Variants in PLA2G15 observed in about 807,000 individuals in gnomAD.
PLA2G15 encodes the protein phospholipase A2 group XV, also known as lysosomal phospholipase A and acyltransferase.
A neutral mutation model predicts 40.9 loss-of-function variants in PLA2G15; 20 were observed. The observed-to-expected ratio is 0.49, with a 90% CI of 0.34 to 0.71. The LOEUF is 0.71. PLA2G15 is among the 30% of genes least tolerant of loss of function. PLA2G15 has a pLI of 0.01. For missense variants in PLA2G15, 471 were observed against 541.9 expected, an observed-to-expected ratio of 0.87 and a Z score of 1.30; for synonymous variants, 223 against 228.2, an observed-to-expected ratio of 0.98 and a Z score of 0.21.
At chr16:68,251,417 C>T (rs997299178) in intron 2 of PLA2G15, among the ~76,000 whole-genome samples, 1 of 152,152 alleles carries the variant, frequency 6.6e-6, no homozygotes, top group Admixed American at 6.5e-5. Context: ...TGCGGTGGCT[C>T]ATGCCTGTAA....
In PLA2G15 at chr16:68,259,505, G is replaced by A; in HGVS notation, c.1087G>A (p.Val363Met). The A allele has an allele frequency of 6.2e-7, 1 of 1,613,156 alleles. No homozygotes were observed. The highest frequency in any genetic ancestry group is 1.3e-5 in the African/African-American group (1 of 75,066). The change falls in exon 6 of 6, where the codon GTG becomes ATG. Residue 363 changes from valine to methionine, a missense_variant. Physicochemically the swap from Val to Met is conservative, Grantham distance 21. Transcript: ENST00000219345. This position sits in a 1 kb window ranked among gnomAD's most constrained non-coding sequence, Gnocchi z 6.5. ...CTGCTTTGGTGACGGCGATGGTACT[G>A]TGAACTTGAAGAGTGCCCTGCAGTG... Reference protein sequence around the residue: ...KICFGDGDGTVNLKSALQCQA... With the variant: ...KICFGDGDGTMNLKSALQCQA...
chr16:68,250,570 C>G (rs1307135165), intron 2 of PLA2G15, among the ~76,000 whole-genome samples: 3 of 152,108 alleles, frequency 2.0e-5, no homozygotes, highest in Non-Finnish European at 2.9e-5. Context: ...CACACCCAGC[C>G]CCATTCACTC....
chr16:68,245,450 C>T lies in PLA2G15; in HGVS notation c.24C>T (p.Tyr8=). ...CCATGGGCCTCCACCTCCGCCCCTA[C>T]CGTGTGGGGCTGCTCCCGGATGGCC... MGLHLRP[Y]RVGLLPDGLL... The change falls in exon 1 of 6, where the codon TAC becomes TAT. Residue 8 remains tyrosine, a synonymous_variant. Transcript: ENST00000219345. 1.9e-6 allele frequency: 3 copies of T among 1,605,756 alleles called. No homozygotes were observed. The highest frequency in any genetic ancestry group is 2.5e-6 in the Non-Finnish European group (3 of 1,179,706).
chr16:68,245,538 C>G lies in PLA2G15; in HGVS notation c.112C>G (p.Pro38Ala). The part of the protein sequence containing the change: ...ADPALPAGRH[P>A]PVVLVPGDLG... ...CCCAGCGCTCCCGGCCGGACGTCAC[C>G]CCCCAGTGGTGCTGGGTGAGGCACG... The change falls in exon 1 of 6, where the codon CCC (proline) becomes GCC (alanine). Residue 38 changes from proline (P) to alanine (A), a missense_variant. By Grantham distance (27) the Pro-to-Ala change is conservative. Coordinates refer to ENST00000219345, the MANE Select transcript of PLA2G15 (RefSeq NM_012320.4). 6.3e-7 allele frequency: 1 copy of G among 1,585,544 alleles called. No individual in the cohort carries two copies. Among genetic ancestry groups the G allele is most frequent in the African/African-American group, 1.3e-5 (1 of 74,326 alleles).
In PLA2G15 at chr16:68,259,366, G is replaced by T; in HGVS notation, c.948G>T (p.Gly316=). 1 of 1,613,976 alleles carries T rather than the reference G, an allele frequency of 6.2e-7. No homozygotes were observed. Among genetic ancestry groups the T allele is most frequent in the Non-Finnish European group, 8.5e-7 (1 of 1,180,016 alleles). The change falls in exon 6 of 6, where the codon GGG becomes GGT. Residue 316 remains glycine, a synonymous_variant. Coordinates refer to ENST00000219345, the MANE Select transcript of PLA2G15 (RefSeq NM_012320.4). This position sits in a 1 kb window ranked among gnomAD's most constrained non-coding sequence, Gnocchi z 6.5. ...GGCTCATGCGGCAGGACACAGAAGG[G>T]CTGGTGGAAGCCACGATGCCACCTG... ...DGWLMRQDTE[G]LVEATMPPGV... is the part of the protein sequence containing the mutation.
intron 1 of PLA2G15, chr16:68,248,738 G>A: frequency 1.0e-6 from 1 of 991,648 alleles, no homozygotes; most frequent in South Asian, 4.4e-5. Flanking sequence ...TGGAGGTTCT[G>A]GAATGCAAAG....
At chr16:68,251,466 G>A (rs540506748) in intron 2 of PLA2G15, among the ~76,000 whole-genome samples, 3 of 152,260 alleles carry the variant, frequency 2.0e-5, no homozygotes, top group Admixed American at 2.0e-4. Flanking sequence ...CAGATCATGA[G>A]GTCAGGAGTT....
In PLA2G15 at chr16:68,259,868, A is replaced by G. The variant is rs939600707; in HGVS notation, c.*211A>G. 2 of 595,526 alleles carry G rather than the reference A, an allele frequency of 3.4e-6. No homozygotes were observed. Among genetic ancestry groups the G allele is most frequent in the African/African-American group, 1.9e-5 (1 of 53,696 alleles). 36.9% of individuals were successfully genotyped at this position (595,526 alleles called of 1,614,324 possible). A position where few individuals can be genotyped will look rare whatever the true frequency, so the allele number is the denominator to read the frequency against. ...AAATGAGAGTCTAGACTCAAGGGAC[A>G]CTGGATGGCAAGAATGCTGCTGATG... On this transcript the variant is annotated 3_prime_UTR_variant, in exon 6 of 6. Transcript: ENST00000219345. This position sits in a 1 kb window ranked among gnomAD's most constrained non-coding sequence, Gnocchi z 6.5.
intron 1 of PLA2G15, among the ~76,000 whole-genome samples, chr16:68,246,880 C>CTTTATCT (rs1374413605): frequency 6.6e-6 from 1 of 152,122 alleles, no homozygotes. Flanking sequence ...GTTGGGTCAT[C>CTTTATCT]TGAACTTTAT....
rs1010534342 is a variant in PLA2G15, at chr16:68,246,081, T to C, written c.127+528T>C. 5.3e-5 allele frequency among the ~76,000 whole-genome samples: 8 copies of C among 152,214 alleles called. No individual in the cohort carries two copies. In the East Asian group the frequency reaches 1.5e-3, roughly 29 times the overall value. On this transcript the variant is annotated intron_variant, in intron 1 of 5. Coordinates refer to ENST00000219345, the MANE Select transcript of PLA2G15 (RefSeq NM_012320.4). ...CCCACAACTTATCAGATGTGTGGCATTGCCTGAGGGAAAAGGCCTAAGGGA... is the reference window on the plus strand; with the variant it reads ...CCCACAACTTATCAGATGTGTGGCACTGCCTGAGGGAAAAGGCCTAAGGGA...
In PLA2G15 at chr16:68,255,902, G is replaced by A; in HGVS notation, c.639G>A (p.Gln213=). ...TCTACTTTCTGCAGCGGCAGCCGCA[G>A]GCCTGGAAGGACAAGTATATCCGGG... ...YTLYFLQRQP[Q]AWKDKYIRAF... is the part of the protein sequence containing the mutation. Residue 213 remains glutamine, a synonymous_variant, in exon 5 of 6, where the codon CAG becomes CAA. Transcript: ENST00000219345. This position sits in a 1 kb window ranked among gnomAD's most constrained non-coding sequence, Gnocchi z 5.9. 1.9e-6 allele frequency: 3 copies of A among 1,613,834 alleles called. No homozygotes were observed. The highest frequency in any genetic ancestry group is 2.5e-6 in the Non-Finnish European group (3 of 1,180,012).
chr16:68,248,826 C>A, intron 1 of PLA2G15: 1 of 503,400 alleles, frequency 2.0e-6, no homozygotes, highest in Non-Finnish European at 2.6e-6. Flanking sequence ...AGAGGTGTGT[C>A]TGTGTTTGCT....
intron 2 of PLA2G15, among the ~76,000 whole-genome samples, chr16:68,252,877 G>T (rs1291314887): frequency 2.0e-5 from 3 of 152,156 alleles, no homozygotes; most frequent in Non-Finnish European, 4.4e-5. Context: ...GGAGGGTGAG[G>T]TAAGAGGATC....
In PLA2G15 at chr16:68,259,275, C is replaced by T. The variant is rs1309736026; in HGVS notation, c.857C>T (p.Pro286Leu). ...CCTGAGAAGGTGTTCGTGCAGACAC[C>T]CACAATCAACTACACACTGCGGGAC... ...WSPEKVFVQTPTINYTLRDYR... is the reference protein window; with the variant it reads ...WSPEKVFVQTLTINYTLRDYR... Residue 286 changes from proline (P) to leucine (L), a missense_variant, in exon 6 of 6, where the codon CCC (proline) becomes CTC (leucine). Coordinates refer to ENST00000219345, the MANE Select transcript of PLA2G15 (RefSeq NM_012320.4). The surrounding 1 kb of genome is among the most constrained non-coding windows in gnomAD (Gnocchi z 6.5). The T allele has an allele frequency of 2.5e-6, 4 of 1,614,038 alleles. No individual in the cohort carries two copies. The South Asian group carries it at 3.3e-5, about 13-fold the overall frequency.
intron 1 of PLA2G15, chr16:68,248,633 C>A: frequency 2.1e-6 from 1 of 485,990 alleles, no homozygotes; most frequent in Non-Finnish European, 2.8e-6. Flanking sequence ...GTGATCCACT[C>A]ACCTCGGCCT....
At chr16:68,247,563 C>G (rs1486799233) in intron 1 of PLA2G15, among the ~76,000 whole-genome samples, 4 of 152,212 alleles carry the variant, frequency 2.6e-5, no homozygotes, top group African/African-American at 9.6e-5. Flanking sequence ...TACCATTTCC[C>G]CTTTGGTAGA....
At chr16:68,256,140 GAA>G in intron 5 of PLA2G15, 150 bp downstream of exon 5, 1 of 573,010 alleles carries the variant, frequency 1.7e-6, no homozygotes, top group Non-Finnish European at 3.1e-6. Flanking sequence ...GTCCAAAGAA[GAA>G]AGAGGCTGAC....
chr16:68,245,676 C>T, intron 1 of PLA2G15, 123 bp downstream of exon 1: 1 of 1,154,594 alleles, frequency 8.7e-7, no homozygotes. Flanking sequence ...TCTGTCTTGT[C>T]ACTTAGGTGA....
At chr16:68,247,366 C>T (rs1381286796) in intron 1 of PLA2G15, among the ~76,000 whole-genome samples, 3 of 152,198 alleles carry the variant, frequency 2.0e-5, no homozygotes, top group Admixed American at 6.5e-5. Context: ...GTCTCCCCAT[C>T]TGTTAAGTGG....
Sources: gnomAD v4.1 joint callset for allele counts (sites outside exome capture counted in the v4.1 genomes callset) on GRCh38, gnomAD v4.1.1 for gene constraint, Gnocchi (gnomAD v3.1) non-coding constraint, MANE v1.5 for transcripts, NCBI Gene and HGNC (gene_info 2026-07-23, HGNC 2026-07-21) for gene names.